GSN: variants seen among roughly 807,000 people sequenced by gnomAD.
The protein encoded by GSN is actin-depolymerizing factor.
Under a neutral mutation model 85.7 loss-of-function variants are expected in GSN, and 56 were observed. The observed-to-expected ratio is 0.65, with a 90% CI of 0.53 to 0.82. GSN has a LOEUF of 0.82. Among genes scored for constraint, GSN ranks in the 40% least tolerant of loss-of-function variants. The pLI, the probability that GSN is intolerant of heterozygous loss-of-function variation, is 0.00. For synonymous variants in GSN, 373 were observed against 399.1 expected, an observed-to-expected ratio of 0.93 and a Z score of 0.78; for missense variants, 857 against 979.8, an observed-to-expected ratio of 0.87 and a Z score of 1.67.
intron 5 of GSN, 165 bp downstream of exon 5, chr9:121,311,010 G>T: frequency 1.5e-6 from 1 of 675,306 alleles, no homozygotes; most frequent in South Asian, 1.7e-5. Flanking sequence ...TCCCACAAAT[G>T]TAGACTCACA....
intron 4 of GSN, among the ~76,000 whole-genome samples, chr9:121,224,289 C>T (rs866581337): frequency 3.3e-5 from 5 of 151,648 alleles, no homozygotes; most frequent in Middle Eastern, 6.4e-3. Flanking sequence ...TTAGTAGAGA[C>T]GGGGTTTTAC....
upstream of GSN, among the ~76,000 whole-genome samples, chr9:121,205,216 G>A (rs1484676067): frequency 6.6e-6 from 1 of 152,186 alleles, no homozygotes; most frequent in Non-Finnish European, 1.5e-5. Context: ...ACCATCACCA[G>A]TAATCTGTGG....
intron 6 of GSN, 173 bp downstream of exon 6, chr9:121,312,661 A>G (rs985973872): frequency 3.4e-6 from 2 of 585,992 alleles, no homozygotes; most frequent in East Asian, 3.3e-5. Flanking sequence ...GATCTTATTC[A>G]TTGTTGCCTG....
At position 121,249,259 on chromosome 9, in the gene GSN, G is replaced by A. The variant is rs1032095670; in HGVS notation, c.-341+936G>A. On this transcript the variant is annotated intron_variant, in intron 6 of 24. Coordinates refer to the GSN transcript ENST00000373823. The stretch of plus-strand genomic sequence containing the variant: ...GGATCACCTGACTCCAGGAGTTTGA[G>A]ACCAACCTGAGCAACATGGTGAAAC... 2.0e-5 allele frequency among the ~76,000 whole-genome samples: 3 copies of A among 151,688 alleles called. No homozygotes were observed. In the East Asian group the frequency reaches 5.8e-4, roughly 29 times the overall value.
chr9:121,286,952 T>C (rs2058166092), intron 2 of GSN, among the ~76,000 whole-genome samples: 1 of 152,154 alleles, frequency 6.6e-6, no homozygotes, highest in African/African-American at 2.4e-5. Flanking sequence ...ATAAAGTACT[T>C]ATCATCACAA....
chr9:121,315,538 C>G (rs745418103), intron 7 of GSN, among the ~76,000 whole-genome samples: 20 of 151,998 alleles, frequency 1.3e-4, no homozygotes, highest in African/African-American at 4.6e-4. Context: ...CCGAGGTAGG[C>G]GGATCACCTG....
chr9:121,311,782 T>G (rs927679582), intron 5 of GSN: 5 of 153,582 alleles, frequency 3.3e-5, no homozygotes, highest in African/African-American at 1.2e-4. Context: ...TAGTTGTAGG[T>G]TGTTCATTTT....
intron 2 of GSN, among the ~76,000 whole-genome samples, chr9:121,288,159 T>A (rs1332619763): frequency 6.6e-6 from 1 of 152,024 alleles, no homozygotes; most frequent in Non-Finnish European, 1.5e-5. Context: ...ACTCCTGAAC[T>A]CAATGGATTC....
In GSN at chr9:121,332,614, G is replaced by A. The variant is rs754155730; in HGVS notation, c.*11G>A. The A allele has an allele frequency of 3.2e-5, 51 of 1,609,992 alleles. No homozygotes were observed. Among genetic ancestry groups the A allele is most frequent in the Non-Finnish European group, 4.2e-5 (50 of 1,177,712 alleles). On this transcript the variant is annotated 3_prime_UTR_variant, in exon 18 of 18. Transcript: ENST00000432226. This position sits in a 1 kb window ranked among gnomAD's most constrained non-coding sequence, Gnocchi z 4.8. ...GAGCTGGCTGCCTGAGGAGGGGCAG[G>A]GCCCACCCATGTCACCGGTCAGTGC...
intron 11 of GSN, 87 bp from the exon 12 acceptor site, chr9:121,324,467 A>T (rs1442736214): frequency 2.8e-6 from 2 of 723,174 alleles, no homozygotes; most frequent in Admixed American, 2.0e-5. Context: ...GGTAACAGGG[A>T]GATGTGTAGG....
intron 7 of GSN, among the ~76,000 whole-genome samples, chr9:121,315,150 C>T (rs751700503): frequency 3.3e-5 from 5 of 152,184 alleles, no homozygotes; most frequent in Non-Finnish European, 5.9e-5. Context: ...CCTGAGCCAA[C>T]GCTCCCGGCC....
intron 7 of GSN, among the ~76,000 whole-genome samples, chr9:121,314,530 C>T (rs564205667): frequency 1.3e-5 from 2 of 152,152 alleles, no homozygotes; most frequent in Non-Finnish European, 2.9e-5. Context: ...AAAGCTCAAT[C>T]ACACTTACGT....
chr9:121,211,376 A>T (rs1434527586), intron 4 of GSN, among the ~76,000 whole-genome samples: 1 of 152,248 alleles, frequency 6.6e-6, no homozygotes, highest in Admixed American at 6.5e-5. Flanking sequence ...AAACAAACAA[A>T]CAAACAAAGC....
intron 5 of GSN, among the ~76,000 whole-genome samples, chr9:121,237,337 G>A (rs1338346226): frequency 6.6e-6 from 1 of 152,170 alleles, no homozygotes; most frequent in East Asian, 1.9e-4. Context: ...CGAGGAGGGA[G>A]GATCACTTGA....
At chr9:121,288,159 T>G (rs1332619763) in intron 2 of GSN, among the ~76,000 whole-genome samples, 1 of 152,024 alleles carries the variant, frequency 6.6e-6, no homozygotes, top group Non-Finnish European at 1.5e-5. Context: ...ACTCCTGAAC[T>G]CAATGGATTC....
In GSN at chr9:121,312,526, ACGCTGCT is replaced by A. The variant is rs2061277912; in HGVS notation, c.663+40_663+46del. 8 of 1,547,392 alleles carry A rather than the reference ACGCTGCT, an allele frequency of 5.2e-6. No homozygotes were observed. In the East Asian group the frequency reaches 1.9e-4, roughly 36 times the overall value. On this transcript the variant is annotated intron_variant, in intron 6 of 17. Coordinates refer to ENST00000432226, the MANE Select transcript of GSN (RefSeq NM_198252.3). ...TGCGCAATGGGGTGGCCATGGGGAC[ACGCTGCT>A]CATGACTTTCTTCTGTTCAGTAGGC...
chr9:121,310,115 G>T (rs1351097366), intron 4 of GSN: 1 of 152,942 alleles, frequency 6.5e-6, no homozygotes, highest in Non-Finnish European at 1.5e-5. Context: ...AGCAGTTCTT[G>T]GTTCAATAAG....
chr9:121,330,558 G>A (rs1252728455), intron 16 of GSN, among the ~76,000 whole-genome samples: 1 of 152,216 alleles, frequency 6.6e-6, no homozygotes, highest in Non-Finnish European at 1.5e-5. Flanking sequence ...CTGGGTGACA[G>A]AGTGAGACTC....
intron 4 of GSN, among the ~76,000 whole-genome samples, chr9:121,228,824 T>A (rs2054329547): frequency 6.6e-6 from 1 of 152,196 alleles, no homozygotes; most frequent in African/African-American, 2.4e-5. Context: ...CCACAGTTTT[T>A]AAATCTCTGT....
Sources: gnomAD v4.1 joint callset for allele counts (sites outside exome capture counted in the v4.1 genomes callset) on GRCh38, gnomAD v4.1.1 for gene constraint, Gnocchi (gnomAD v3.1) non-coding constraint, MANE v1.5 for transcripts, NCBI Gene and HGNC (gene_info 2026-07-23, HGNC 2026-07-21) for gene names.